Variants in ASXL3 observed in about 807,000 individuals in gnomAD.
ASXL3 encodes ASXL transcriptional regulator 3, also known as putative Polycomb group protein ASXL3.
Under a neutral mutation model 170.6 loss-of-function variants are expected in ASXL3, and 34 were observed. The ratio of observed to expected loss-of-function variants is 0.20; its 90% CI spans 0.15 to 0.27. ASXL3 has a LOEUF of 0.27. Ranked by LOEUF, ASXL3 falls within the 10% of genes least tolerant of loss-of-function variation. The pLI, the probability that ASXL3 is intolerant of heterozygous loss-of-function variation, is 1.00. For synonymous variants in ASXL3, 1,002 were observed against 989.1 expected (o/e 1.01, Z -0.24); for missense variants, 2,592 against 2,695.3 (o/e 0.96, Z 0.85).
rs369543627 is a variant in ASXL3 at position 33,745,025 on chromosome 18, C to T, written c.5177C>T (p.Ala1726Val). Residue 1726 changes from alanine to valine, a missense_variant, in exon 12 of 12, where the codon GCC (alanine) becomes GTC (valine). This residue lies in a region of ASXL3 where 2,246 missense variants were observed against 2,219.6 expected (regional missense o/e 1.01). Transcript: ENST00000269197. The stretch of plus-strand genomic sequence containing the variant: ...GAGGCTATTTCCTTGGCTACCGATG[C>T]CCTGAAGAGAGTCCCTGGTGCAGGG... ...MEEAISLATD[A>V]LKRVPGAGSS... is the part of the protein sequence containing the mutation. The T allele has an allele frequency of 3.1e-6, 5 of 1,613,872 alleles. No individual in the cohort carries two copies. The highest frequency in any genetic ancestry group is 1.7e-5 in the Admixed American group (1 of 60,000).
At chr18:33,651,827 C>A (rs1054696757) in intron 4 of ASXL3, among the ~76,000 whole-genome samples, 1 of 152,048 alleles carries the variant, frequency 6.6e-6, no homozygotes, top group Admixed American at 6.6e-5. Flanking sequence ...TTGGGATCAA[C>A]TGGGCAGGGA....
chr18:33,687,862 T>C (rs996519745), intron 8 of ASXL3, among the ~76,000 whole-genome samples: 3 of 152,342 alleles, frequency 2.0e-5, no homozygotes, highest in African/African-American at 7.2e-5. Flanking sequence ...AGGACATTTA[T>C]TGGCTCAGTT....
rs374573683 is a variant in ASXL3, at chr18:33,738,450, G to A, written c.1083-37G>A. The A allele has an allele frequency of 5.8e-6, 9 of 1,541,260 alleles. No individual in the cohort carries two copies. The African/African-American group carries it at 1.2e-4, about 21-fold the overall frequency. On this transcript the variant is annotated intron_variant, in intron 10 of 11. Transcript: ENST00000269197. ...ATCCCAGTTGTACCTTTTATGTTTT[G>A]TGGTTGAGCAATAATTTATTTCTAA...
chr18:33,697,026 C>G (rs976739335), intron 8 of ASXL3, among the ~76,000 whole-genome samples: 1 of 152,010 alleles, frequency 6.6e-6, no homozygotes, highest in Non-Finnish European at 1.5e-5. Flanking sequence ...TGATGGAAAC[C>G]ATCTCAATAT....
In ASXL3 at chr18:33,746,632, G is replaced by A. The variant is rs780395903; in HGVS notation, c.*37G>A. ...AAGATGCAGTATCCCTTTTCCACAC[G>A]GAAAAGCCAAATAGCATCAGCAACA... On this transcript the variant is annotated 3_prime_UTR_variant, in exon 12 of 12. Transcript: ENST00000269197. 2.6e-6 allele frequency: 4 copies of A among 1,518,992 alleles called. No homozygotes were observed. Among genetic ancestry groups the A allele is most frequent in the Admixed American group, 2.0e-5 (1 of 49,072 alleles). 94.1% of individuals were successfully genotyped at this position (1,518,992 alleles called of 1,614,324 possible).
In ASXL3 at chr18:33,745,958, C is replaced by T. The variant is rs770483501; in HGVS notation, c.6110C>T (p.Pro2037Leu). The T allele has an allele frequency of 2.6e-6, 4 of 1,544,838 alleles. No homozygotes were observed. The highest frequency in any genetic ancestry group is 2.4e-5 in the South Asian group (2 of 84,786). ...TTGGCTTTGCCCCCGCCTCCCCCCC[C>T]ACCACCTCCGCTACCTCCACCTCTC... ...PPLALPPPPPPPPPLPPPLPN... is the reference protein window; with the variant it reads ...PPLALPPPPPLPPPLPPPLPN... The change falls in exon 12 of 12, where the codon CCA becomes CTA. Residue 2037 changes from proline (P) to leucine (L), a missense_variant. Coordinates refer to ENST00000269197, the MANE Select transcript of ASXL3 (RefSeq NM_030632.3).
chr18:33,663,567 T>C (rs948289372), intron 5 of ASXL3, among the ~76,000 whole-genome samples: 6 of 143,316 alleles, frequency 4.2e-5, no homozygotes, highest in African/African-American at 6.0e-5. Context: ...CTAAGCTTTG[T>C]TTTAAGAATC....
At chr18:33,727,081 C>T (rs184842298) in intron 8 of ASXL3, among the ~76,000 whole-genome samples, 87 of 152,202 alleles carry the variant, frequency 5.7e-4, no homozygotes, top group Non-Finnish European at 9.6e-4. Context: ...TCATCTTCCC[C>T]GCACATACTC....
At chr18:33,678,144 T>C (rs2145272238) in intron 7 of ASXL3, among the ~76,000 whole-genome samples, 1 of 152,240 alleles carries the variant, frequency 6.6e-6, no homozygotes, top group Middle Eastern at 3.4e-3. Flanking sequence ...TCCAGGCTAG[T>C]CTGGATCTCC....
At chr18:33,716,212 A>G (rs2067162174) in intron 8 of ASXL3, among the ~76,000 whole-genome samples, 1 of 152,218 alleles carries the variant, frequency 6.6e-6, no homozygotes, top group Admixed American at 6.5e-5. Flanking sequence ...GATACTGTAC[A>G]GCAACATTTC....
intron 2 of ASXL3, 24 bp from the exon 3 acceptor site, chr18:33,644,870 T>C: frequency 6.7e-7 from 1 of 1,482,356 alleles, no homozygotes; most frequent in South Asian, 1.2e-5. Context: ...GACTGCTTCA[T>C]TTTTGCACAC....
At chr18:33,693,754 A>G (rs2066726744) in intron 8 of ASXL3, among the ~76,000 whole-genome samples, 1 of 152,170 alleles carries the variant, frequency 6.6e-6, no homozygotes, top group African/African-American at 2.4e-5. Flanking sequence ...TTATCTTGGT[A>G]ACACATGTGC....
chr18:33,586,537 A>T (rs1043553052), intron 1 of ASXL3, among the ~76,000 whole-genome samples: 2 of 151,918 alleles, frequency 1.3e-5, no homozygotes, highest in Non-Finnish European at 2.9e-5. Flanking sequence ...AGATTTCTTG[A>T]TAGCTTCATT....
At chr18:33,716,432 A>G (rs969331585) in intron 8 of ASXL3, among the ~76,000 whole-genome samples, 2 of 152,184 alleles carry the variant, frequency 1.3e-5, no homozygotes, top group African/African-American at 2.4e-5. Context: ...ACTTCTCATC[A>G]GTTGCTATAA....
chr18:33,676,222 C>CAAAAAA (rs568221465), intron 7 of ASXL3, among the ~76,000 whole-genome samples: 571 of 41,716 alleles, frequency 0.014, 66 homozygotes, highest in African/African-American at 0.052. Context: ...GACTCCGTCT[C>CAAAAAA]AAAAAAAAAA....
chr18:33,637,243 C>G (rs1057358037), intron 2 of ASXL3, among the ~76,000 whole-genome samples: 1 of 152,044 alleles, frequency 6.6e-6, no homozygotes, highest in Non-Finnish European at 1.5e-5. Context: ...TAACATTTCT[C>G]TAAGTATATT....
Position 33,745,245 on chromosome 18 carries a change from G to T in ASXL3, c.5397G>T (p.Pro1799=). 6.2e-7 allele frequency: 1 copy of T among 1,613,958 alleles called. No individual in the cohort carries two copies. Among genetic ancestry groups the T allele is most frequent in the Non-Finnish European group, 8.5e-7 (1 of 1,179,896 alleles). The stretch of plus-strand genomic sequence containing the variant: ...CACCAGAGAGAAACGTTGAAATTCC[G>T]CCCAGCTCTCCAAATCCAGATGGTA... ...KTAPERNVEI[P]PSSPNPDGKG... Residue 1799 remains proline (P), a synonymous_variant, in exon 12 of 12, where the codon CCG becomes CCT. Coordinates refer to ENST00000269197, the MANE Select transcript of ASXL3 (RefSeq NM_030632.3).
intron 1 of ASXL3, among the ~76,000 whole-genome samples, chr18:33,590,438 CA>C (rs925259805): frequency 4.6e-5 from 7 of 151,866 alleles, no homozygotes; most frequent in Admixed American, 1.3e-4. Context: ...AGGAAAATTA[CA>C]AAAAAGCACC....
In ASXL3 at chr18:33,661,643, C is replaced by T; in HGVS notation, c.383C>T (p.Ala128Val). 6 of 1,611,758 alleles carry T rather than the reference C, an allele frequency of 3.7e-6. No homozygotes were observed. Among genetic ancestry groups the T allele is most frequent in the Non-Finnish European group, 5.1e-6 (6 of 1,178,804 alleles). ...TGTTCGAAGCAGGTAACTGATGAAG[C>T]ATCTTCCACTCGAGATTCAAGCCTT... ...GVCSKQVTDE[A>V]SSTRDSSLTN... The change falls in exon 5 of 12, where the codon GCA (alanine) becomes GTA (valine). Residue 128 changes from alanine to valine, a missense_variant. Around this residue, in one of 4 missense-constraint regions of ASXL3, gnomAD observed 251 missense variants for 281.9 expected, o/e 0.89. Transcript: ENST00000269197.
Sources: gnomAD v4.1 joint callset for allele counts (sites outside exome capture counted in the v4.1 genomes callset) on GRCh38, gnomAD v4.1.1 for gene constraint, gnomAD v4.1.1 regional missense constraint, MANE v1.5 for transcripts, NCBI Gene and HGNC (gene_info 2026-07-23, HGNC 2026-07-21) for gene names.